FARP2: variants seen among roughly 807,000 people sequenced by gnomAD.
The protein encoded by FARP2 is FERM, ARH/RhoGEF and pleckstrin domain protein 2.
In FARP2, 111 loss-of-function variants were observed where a neutral mutation model predicts 130.5. The observed-to-expected ratio is 0.85, with a 90% CI of 0.73 to 1.00. The LOEUF (loss-of-function observed/expected upper bound fraction) is 1.00, where lower values mean the gene tolerates loss of function less well. Ranked by LOEUF, FARP2 falls within the 50% of genes least tolerant of loss-of-function variation. The pLI is 0.00. For missense variants in FARP2, 1,385 were observed against 1,346.3 expected, an observed-to-expected ratio of 1.03 and a Z score of -0.45; for synonymous variants, 504 against 516.9, an observed-to-expected ratio of 0.98 and a Z score of 0.34.
At chr2:241,444,369 G>A (rs969607025) in intron 13 of FARP2, 6 of 152,158 alleles carry the variant, frequency 3.9e-5, no homozygotes, top group Admixed American at 2.6e-4. Context: ...CATTTAAAAC[G>A]TTTTCCTAAA....
intron 4 of FARP2, among the ~76,000 whole-genome samples, chr2:241,407,306 A>G (rs1191085329): frequency 6.6e-6 from 1 of 152,134 alleles, no homozygotes; most frequent in Non-Finnish European, 1.5e-5. Flanking sequence ...AGCACACTGC[A>G]ACCTCAGACT....
chr2:241,412,235 A>C (rs2062539448), intron 6 of FARP2, among the ~76,000 whole-genome samples: 2 of 152,160 alleles, frequency 1.3e-5, no homozygotes, highest in African/African-American at 4.8e-5. Flanking sequence ...ATCAGATCTC[A>C]TGAAAGTCTC....
intron 13 of FARP2, chr2:241,441,975 G>A: frequency 2.8e-6 from 1 of 363,594 alleles, no homozygotes; most frequent in South Asian, 2.2e-5. Context: ...GCCCAGACAG[G>A]TACTCCATGG....
chr2:241,493,417 G>T lies in FARP2; in HGVS notation c.3020G>T (p.Arg1007Leu), dbSNP rs773838546. The T allele has an allele frequency of 7.4e-6, 12 of 1,613,694 alleles. No individual in the cohort carries two copies. Among genetic ancestry groups the T allele is most frequent in the Admixed American group, 3.3e-5 (2 of 59,990 alleles). The change falls in exon 26 of 27, where the codon CGG (arginine) becomes CTG (leucine). Residue 1007 changes from arginine (R) to leucine (L), a missense_variant. By Grantham distance (102) the Arg-to-Leu change is moderately radical (BLOSUM62 -2). Coordinates refer to ENST00000264042, the MANE Select transcript of FARP2 (RefSeq NM_014808.4). ...LQFKSHVYFF[R>L]AESKYTFERW... ...TTCAAATCCCACGTCTACTTCTTCC[G>T]GGCTGAGAGCAAGTACACATTTGAA...
At chr2:241,478,521 A>T (rs2064532586) in intron 19 of FARP2, 2 of 383,506 alleles carry the variant, frequency 5.2e-6, no homozygotes, top group African/African-American at 4.2e-5. Flanking sequence ...TACTCCTTGT[A>T]TCAGGCTAAC....
chr2:241,416,759 A>G (rs1047271409), intron 7 of FARP2, among the ~76,000 whole-genome samples: 5 of 152,124 alleles, frequency 3.3e-5, no homozygotes, highest in African/African-American at 7.2e-5. Flanking sequence ...TCTACAAACA[A>G]TTAGCCAAGT....
At chr2:241,404,777 T>G in intron 3 of FARP2, 22 bp from the exon 4 acceptor site, 1 of 1,570,318 alleles carries the variant, frequency 6.4e-7, no homozygotes, top group Non-Finnish European at 8.8e-7. Flanking sequence ...AGATTGGATT[T>G]CTTCTGTTAA....
intron 14 of FARP2, among the ~76,000 whole-genome samples, chr2:241,457,297 T>C (rs1350651061): frequency 6.7e-6 from 1 of 150,116 alleles, no homozygotes; most frequent in East Asian, 2.1e-4. Context: ...CCTTTGCTCC[T>C]TTCTTCTCTC....
chr2:241,388,594 T>G (rs2061840631), intron 2 of FARP2, among the ~76,000 whole-genome samples: 1 of 152,194 alleles, frequency 6.6e-6, no homozygotes, highest in South Asian at 2.1e-4. Flanking sequence ...ATATATCTGA[T>G]AAGGAACTTA....
intron 4 of FARP2, 53 bp from the exon 5 acceptor site, chr2:241,407,484 G>T (rs2150356171): frequency 1.5e-6 from 2 of 1,299,052 alleles, no homozygotes; most frequent in East Asian, 4.6e-5. Context: ...TATGAAAAGA[G>T]AATAAATGCA....
chr2:241,486,287 CTTTTTTTTTTTT>C (rs71406464), intron 21 of FARP2, among the ~76,000 whole-genome samples: 1 of 103,896 alleles, frequency 9.6e-6, no homozygotes, highest in Non-Finnish European at 1.9e-5. Flanking sequence ...CTCCAAAAAT[CTTTTTTTTTTTT>C]TTTTTTTTTT....
At position 241,494,113 on chromosome 2, in the gene FARP2, G is replaced by A. The variant is rs746396220; in HGVS notation, c.3153G>A (p.Gly1051=). The A allele has an allele frequency of 1.4e-6, 2 of 1,479,828 alleles. No homozygotes were observed. Among genetic ancestry groups the A allele is most frequent in the Non-Finnish European group, 1.8e-6 (2 of 1,124,000 alleles). The allele number at this position is 1,479,828 out of a possible 1,614,324, so 91.7% of individuals were successfully genotyped here. Reference sequence around the variant, plus strand: ...CAGGGCTGGAGGGGATGGTCAGGGGGAAGGAGGAATGACGCTCAACCTGCC... The same window carrying A: ...CAGGGCTGGAGGGGATGGTCAGGGGAAAGGAGGAATGACGCTCAACCTGCC... The part of the protein sequence containing the change: ...PSSGLEGMVR[G]KEE The change falls in exon 27 of 27, where the codon GGG becomes GGA. Residue 1051 remains glycine (G), a synonymous_variant. Coordinates refer to ENST00000264042, the MANE Select transcript of FARP2 (RefSeq NM_014808.4). This position sits in a 1 kb window ranked among gnomAD's most constrained non-coding sequence, Gnocchi z 4.9.
At position 241,407,599 on chromosome 2, in the gene FARP2, C is replaced by T; in HGVS notation, c.394C>T (p.Gln132Ter). ...KFFPPDPGQL[Q>*]EEYTRYLFAL... ...TTTTCCACCTGATCCTGGTCAGCTA[C>T]AAGAAGAATATACAAGGTAAAGAGC... Residue 132 changes from glutamine to a stop codon, truncating the protein, a stop_gained, in exon 5 of 27, where the codon CAA (glutamine) becomes TAA (stop). Transcript: ENST00000264042. LOFTEE classifies it high-confidence loss of function. The T allele has an allele frequency of 6.2e-7, 1 of 1,613,680 alleles. No homozygotes were observed. Among genetic ancestry groups the T allele is most frequent in the Admixed American group, 1.7e-5 (1 of 60,026 alleles).
chr2:241,483,108 A>G (rs2064659035), intron 19 of FARP2, among the ~76,000 whole-genome samples: 1 of 152,202 alleles, frequency 6.6e-6, no homozygotes, highest in Admixed American at 6.5e-5. Flanking sequence ...CAATGTTTTC[A>G]AAGCTGATCT....
intron 1 of FARP2, among the ~76,000 whole-genome samples, chr2:241,365,298 C>G (rs765342662): frequency 1.3e-5 from 2 of 152,142 alleles, no homozygotes; most frequent in Non-Finnish European, 2.9e-5. Context: ...ATCCCCAACT[C>G]GTTGGATTAT....
At chr2:241,466,911 A>G (rs1199447070) in intron 17 of FARP2, among the ~76,000 whole-genome samples, 1 of 151,702 alleles carries the variant, frequency 6.6e-6, no homozygotes, top group Non-Finnish European at 1.5e-5. Flanking sequence ...GTGGTTTCCG[A>G]CTCAGGCTCC....
intron 18 of FARP2, among the ~76,000 whole-genome samples, chr2:241,469,471 A>AAT (rs756961681): frequency 6.6e-5 from 10 of 152,248 alleles, no homozygotes; most frequent in Admixed American, 4.6e-4. Flanking sequence ...CATAGCCATG[A>AAT]ATAGATATAA....
At position 241,402,870 on chromosome 2, in the gene FARP2, A is replaced by C. The variant is rs1417161965; in HGVS notation, c.184-958A>C. ...TATATATATATATATATATATATATATATATATATATTTTTTTTTTTTTTT... is the reference window on the plus strand; with the variant it reads ...TATATATATATATATATATATATATCTATATATATATTTTTTTTTTTTTTT... On this transcript the variant is annotated intron_variant, in intron 2 of 26. Coordinates refer to ENST00000264042, the MANE Select transcript of FARP2 (RefSeq NM_014808.4). Among the ~76,000 whole-genome samples, 13 of 12,496 alleles carry C rather than the reference A, an allele frequency of 1.0e-3. 1 individual carries two copies. The highest frequency in any genetic ancestry group is 5.4e-3 in the African/African-American group (13 of 2,402). The allele number at this position is 12,496 out of a possible 152,430, so 8.2% of individuals were successfully genotyped here. A position where few individuals can be genotyped will look rare whatever the true frequency, so the allele number is the denominator to read the frequency against.
chr2:241,452,096 A>C (rs1207775342), intron 13 of FARP2, among the ~76,000 whole-genome samples: 1 of 152,212 alleles, frequency 6.6e-6, no homozygotes, highest in East Asian at 1.9e-4. Context: ...AGTGTCAAAA[A>C]GATTTTCTAA....
Sources: gnomAD v4.1 joint callset for allele counts (sites outside exome capture counted in the v4.1 genomes callset) on GRCh38, gnomAD v4.1.1 for gene constraint, Gnocchi (gnomAD v3.1) non-coding constraint, MANE v1.5 for transcripts, NCBI Gene and HGNC (gene_info 2026-07-23, HGNC 2026-07-21) for gene names.